Variants in ITPR1 observed in about 807,000 individuals in gnomAD.
ITPR1 encodes inositol 1,4,5-trisphosphate receptor type 1, also known as inositol 1,4,5-trisphosphate-gated calcium channel ITPR1.
Under a neutral mutation model 318.4 loss-of-function variants are expected in ITPR1, and 96 were observed. The ratio of observed to expected loss-of-function variants is 0.30; its 90% confidence interval spans 0.26 to 0.36. The LOEUF (loss-of-function observed/expected upper bound fraction) is 0.36, where lower values mean the gene tolerates loss of function less well. ITPR1 is among the 10% of genes least tolerant of loss of function. The pLI is 1.00. For synonymous variants in ITPR1, 1,312 were observed against 1,289.9 expected (o/e 1.02, Z -0.37); for missense variants, 2,440 against 3,460.2 (o/e 0.71, Z 7.40).
chr3:4,583,321 AAGTT>A (rs1357633128), intron 4 of ITPR1, among the ~76,000 whole-genome samples: 23 of 152,210 alleles, frequency 1.5e-4, no homozygotes, highest in Non-Finnish European at 4.4e-5. Flanking sequence ...TGGGAAAAAA[AAGTT>A]AGCGTTTTTT....
chr3:4,612,634 C>T (rs2092201266), intron 4 of ITPR1, among the ~76,000 whole-genome samples: 1 of 151,988 alleles, frequency 6.6e-6, no homozygotes, highest in South Asian at 2.1e-4. Flanking sequence ...TGCCTGTAAT[C>T]CCAGCACTTT....
chr3:4,728,980 C>T (rs371533784), intron 42 of ITPR1, among the ~76,000 whole-genome samples: 2 of 152,194 alleles, frequency 1.3e-5, no homozygotes, highest in Non-Finnish European at 2.9e-5. Context: ...TCCTGTATCT[C>T]CTGCACTTCA....
chr3:4,733,031 G>C, intron 42 of ITPR1, 57 bp from the exon 43 acceptor site: 2 of 1,560,120 alleles, frequency 1.3e-6, no homozygotes, highest in South Asian at 2.3e-5. Flanking sequence ...TTGAATATTC[G>C]TCCCTCGGTG....
At chr3:4,769,100 A>T (rs893497750) in intron 46 of ITPR1, among the ~76,000 whole-genome samples, 3 of 151,884 alleles carry the variant, frequency 2.0e-5, no homozygotes, top group African/African-American at 7.3e-5. Flanking sequence ...GGTTTTCATC[A>T]TGTTGGCCAG....
In ITPR1 at chr3:4,738,898, G is replaced by T. The variant is rs112642710; in HGVS notation, c.5544+3544G>T. On this transcript the variant is annotated intron_variant, in intron 44 of 61. Transcript: ENST00000649015. ...CCTGTGGATCCATGCCAGGATGGAA[G>T]GGTGCGGGTGTGGCCGCACGCACAT... is the stretch of plus-strand genomic sequence containing the variant. Among the ~76,000 whole-genome samples the T allele has an allele frequency of 9.9e-3, 1,505 of 152,316 alleles. 22 individuals are homozygous for T. The highest frequency in any genetic ancestry group is 0.034 in the African/African-American group (1,433 of 41,558).
intron 50 of ITPR1, 119 bp downstream of exon 50, chr3:4,782,860 T>A: frequency 1.1e-6 from 1 of 942,456 alleles, no homozygotes; most frequent in Non-Finnish European, 1.4e-6. Flanking sequence ...CTGTCTGTAC[T>A]CATGAGCCTG....
At chr3:4,785,345 C>A (rs1413646791) in intron 51 of ITPR1, among the ~76,000 whole-genome samples, 1 of 152,178 alleles carries the variant, frequency 6.6e-6, no homozygotes, top group African/African-American at 2.4e-5. Context: ...AGGCTTTGAG[C>A]AGTAAGGAAT....
chr3:4,842,552 G>A (rs1196998787), intron 61 of ITPR1, among the ~76,000 whole-genome samples: 1 of 152,156 alleles, frequency 6.6e-6, no homozygotes, highest in Non-Finnish European at 1.5e-5. Context: ...ATTTTTAGTA[G>A]AGATGGGGTT....
chr3:4,500,957 G>T (rs937727832), intron 2 of ITPR1, among the ~76,000 whole-genome samples: 2 of 152,034 alleles, frequency 1.3e-5, no homozygotes, highest in African/African-American at 4.8e-5. Flanking sequence ...AGGCACAAGC[G>T]ATCCTCTCAC....
At chr3:4,707,581 A>T (rs1262355108) in intron 37 of ITPR1, among the ~76,000 whole-genome samples, 2 of 152,050 alleles carry the variant, frequency 1.3e-5, no homozygotes, top group Non-Finnish European at 2.9e-5. Context: ...TCAAAGGTTC[A>T]CTCCAGTTCA....
intron 58 of ITPR1, 144 bp downstream of exon 58, chr3:4,814,706 A>G (rs2049175532): frequency 2.3e-5 from 17 of 747,286 alleles, no homozygotes; most frequent in Non-Finnish European, 2.8e-5. Flanking sequence ...CTAGCTCATC[A>G]GGCTCCTTTC....
chr3:4,711,709 T>C (rs758831244), intron 38 of ITPR1, 48 bp from the exon 39 acceptor site: 2 of 1,017,872 alleles, frequency 2.0e-6, no homozygotes, highest in South Asian at 2.8e-5. Context: ...GTCTTTTTAA[T>C]TTAAAATTAG....
intron 2 of ITPR1, among the ~76,000 whole-genome samples, chr3:4,506,977 A>C (rs188630547): frequency 2.0e-5 from 3 of 152,242 alleles, no homozygotes; most frequent in African/African-American, 7.2e-5. Flanking sequence ...GTTAGAAATT[A>C]ACACTGAGAA....
intron 4 of ITPR1, among the ~76,000 whole-genome samples, chr3:4,542,920 A>G (rs539274859): frequency 6.6e-6 from 1 of 152,268 alleles, no homozygotes; most frequent in East Asian, 1.9e-4. Context: ...ACATTTCAAA[A>G]TGTTTTCTAA....
At chr3:4,555,631 A>C (rs188611731) in intron 4 of ITPR1, among the ~76,000 whole-genome samples, 2 of 152,222 alleles carry the variant, frequency 1.3e-5, no homozygotes, top group African/African-American at 4.8e-5. Context: ...CTAATCTACA[A>C]TCTAGTTTTT....
chr3:4,519,663 T>A (rs562983845), intron 3 of ITPR1, among the ~76,000 whole-genome samples: 1 of 152,212 alleles, frequency 6.6e-6, no homozygotes, highest in Non-Finnish European at 1.5e-5. Flanking sequence ...CTGCTCTTGA[T>A]TTTTACATGA....
chr3:4,603,136 G>A (rs1277057195), intron 4 of ITPR1, among the ~76,000 whole-genome samples: 1 of 152,072 alleles, frequency 6.6e-6, no homozygotes, highest in African/African-American at 2.4e-5. Context: ...AAGTGATAAA[G>A]GGGAAGGAAA....
intron 42 of ITPR1, among the ~76,000 whole-genome samples, chr3:4,730,117 G>A (rs1422100487): frequency 6.7e-6 from 1 of 149,356 alleles, no homozygotes; most frequent in Non-Finnish European, 1.5e-5. Context: ...TTAGAGATTT[G>A]CATAACTTTT....
intron 4 of ITPR1, among the ~76,000 whole-genome samples, chr3:4,581,224 A>C (rs1397748346): frequency 1.3e-5 from 2 of 152,184 alleles, no homozygotes. Flanking sequence ...GTAGAGGAGG[A>C]CCAGGCAAGG....
Sources: allele counts gnomAD v4.1 joint callset (sites outside exome capture counted in the v4.1 genomes callset), GRCh38; gene constraint gnomAD v4.1.1; transcripts MANE v1.5; gene names NCBI Gene and HGNC (gene_info 2026-07-23, HGNC 2026-07-21).